CPED1: variants seen among roughly 807,000 people sequenced by gnomAD.
CPED1 encodes cadherin-like and PC-esterase domain-containing protein 1.
Under a neutral mutation model 128.2 loss-of-function variants are expected in CPED1, and 114 were observed. The observed-to-expected ratio is 0.89, with a 90% CI of 0.76 to 1.04. The LOEUF (loss-of-function observed/expected upper bound fraction) is 1.04. Among genes scored for constraint, CPED1 ranks in the 50% least tolerant of loss-of-function variants. CPED1 has a pLI of 0.00. For synonymous variants in CPED1, 462 were observed against 426.7 expected (o/e 1.08, Z -1.02); for missense variants, 1,211 against 1,207.1 (o/e 1.00, Z -0.05).
At chr7:121,278,954 T>C (rs1056512023) in intron 22 of CPED1, among the ~76,000 whole-genome samples, 3 of 152,144 alleles carry the variant, frequency 2.0e-5, no homozygotes, top group Non-Finnish European at 1.5e-5. Flanking sequence ...ACTCATAAAC[T>C]CCTTCATGTT....
chr7:121,076,156 A>G (rs1392219509), intron 5 of CPED1, among the ~76,000 whole-genome samples: 3 of 152,194 alleles, frequency 2.0e-5, no homozygotes, highest in African/African-American at 7.2e-5. Context: ...GAACACTGCC[A>G]ATTATCAGAG....
chr7:121,154,845 A>G (rs1220936263), intron 16 of CPED1, among the ~76,000 whole-genome samples: 4 of 152,158 alleles, frequency 2.6e-5, no homozygotes, highest in Non-Finnish European at 5.9e-5. Context: ...CGCCCGGCCT[A>G]GAGATGTTGA....
At chr7:121,249,572 AAAAT>A (rs1449775489) in intron 18 of CPED1, among the ~76,000 whole-genome samples, 24 of 152,304 alleles carry the variant, frequency 1.6e-4, no homozygotes, top group African/African-American at 5.3e-4. Context: ...ATATCCCACT[AAAAT>A]AAACTTTATA....
At chr7:121,116,742 G>GC (rs1413825507) in intron 7 of CPED1, among the ~76,000 whole-genome samples, 2 of 151,944 alleles carry the variant, frequency 1.3e-5, no homozygotes, top group African/African-American at 4.8e-5. Context: ...CATGTTGGTT[G>GC]CCCCCAGCTG....
In CPED1 at chr7:121,106,343, C is replaced by T. The variant is rs189870399; in HGVS notation, c.918+6249C>T. On this transcript the variant is annotated intron_variant, in intron 7 of 22. Coordinates refer to ENST00000310396, the MANE Select transcript of CPED1 (RefSeq NM_024913.5). ...ATATAATGCTTTATATAGGTATACACATATATGTGTATATATGCCTACATA... is the reference window on the plus strand; with the variant it reads ...ATATAATGCTTTATATAGGTATACATATATATGTGTATATATGCCTACATA... 2.0e-5 allele frequency among the ~76,000 whole-genome samples: 3 copies of T among 151,966 alleles called. No homozygotes were observed. The East Asian group carries it at 5.8e-4, about 29-fold the overall frequency.
chr7:121,251,681 C>T (rs997736245), intron 18 of CPED1, among the ~76,000 whole-genome samples: 3 of 151,722 alleles, frequency 2.0e-5, no homozygotes, highest in African/African-American at 7.3e-5. Context: ...AACAGACAAA[C>T]AGAGCCAAAT....
At chr7:121,289,853 A>G (rs1792656692) in intron 22 of CPED1, among the ~76,000 whole-genome samples, 1 of 152,134 alleles carries the variant, frequency 6.6e-6, no homozygotes, top group South Asian at 2.1e-4. Flanking sequence ...CATATGCAGA[A>G]CATGCAGGTT....
intron 12 of CPED1, among the ~76,000 whole-genome samples, chr7:121,133,389 A>G (rs564508596): frequency 6.6e-6 from 1 of 152,116 alleles, no homozygotes; most frequent in Non-Finnish European, 1.5e-5. Context: ...TTGGCAAGAC[A>G]TAGGTCATTT....
At chr7:121,209,392 T>C (rs1797594740) in intron 16 of CPED1, among the ~76,000 whole-genome samples, 1 of 152,064 alleles carries the variant, frequency 6.6e-6, no homozygotes, top group Non-Finnish European at 1.5e-5. Flanking sequence ...GATGGCTGAA[T>C]TAGCTTCCAT....
chr7:121,104,819 C>T lies in CPED1; in HGVS notation c.918+4725C>T, dbSNP rs1346633227. On this transcript the variant is annotated intron_variant, in intron 7 of 22. Coordinates refer to ENST00000310396, the MANE Select transcript of CPED1 (RefSeq NM_024913.5). The stretch of plus-strand genomic sequence containing the variant: ...AACTGCATGAAGAAATTGCCTGAGT[C>T]TACTTTATCCCTAACTGCTATAAGC... Among the ~76,000 whole-genome samples the T allele has an allele frequency of 3.9e-5, 6 of 152,112 alleles. No individual in the cohort carries two copies. The East Asian group carries it at 1.2e-3, about 29-fold the overall frequency.
chr7:121,226,814 A>G (rs1405676980), intron 16 of CPED1, among the ~76,000 whole-genome samples: 1 of 152,172 alleles, frequency 6.6e-6, no homozygotes, highest in Non-Finnish European at 1.5e-5. Flanking sequence ...TAATGTAAAC[A>G]TAAGCTAATT....
chr7:121,120,660 T>G (rs1217367477), intron 7 of CPED1, among the ~76,000 whole-genome samples: 3 of 152,122 alleles, frequency 2.0e-5, no homozygotes, highest in Admixed American at 6.6e-5. Flanking sequence ...CCATTCTAAC[T>G]CATAGATTAA....
At chr7:121,250,901 G>A (rs1798655817) in intron 18 of CPED1, among the ~76,000 whole-genome samples, 1 of 152,084 alleles carries the variant, frequency 6.6e-6, no homozygotes, top group Non-Finnish European at 1.5e-5. Flanking sequence ...AGGAGGAGCT[G>A]GTACCATTCC....
chr7:121,080,646 G>C (rs1174258627), intron 5 of CPED1, among the ~76,000 whole-genome samples: 1 of 152,086 alleles, frequency 6.6e-6, no homozygotes, highest in Non-Finnish European at 1.5e-5. Context: ...ACCAATAAGT[G>C]AAAGAGAACT....
intron 2 of CPED1, 95 bp downstream of exon 2, chr7:120,989,965 G>T: frequency 1.4e-6 from 2 of 1,447,042 alleles, no homozygotes; most frequent in Non-Finnish European, 1.9e-6. Context: ...CTTCCATGAG[G>T]TCTGAAAGGG....
chr7:121,056,026 ATAAG>A (rs1180031060), intron 4 of CPED1, among the ~76,000 whole-genome samples: 2 of 152,248 alleles, frequency 1.3e-5, no homozygotes, highest in East Asian at 3.8e-4. Flanking sequence ...TGGAACCAAA[ATAAG>A]TATTTTGGAA....
chr7:121,157,420 G>T (rs905907988), intron 16 of CPED1, among the ~76,000 whole-genome samples: 1 of 152,136 alleles, frequency 6.6e-6, no homozygotes, highest in African/African-American at 2.4e-5. Context: ...GGCCAACATT[G>T]TTAATGGGGA....
intron 2 of CPED1, among the ~76,000 whole-genome samples, chr7:121,010,293 C>G (rs987398320): frequency 6.6e-6 from 1 of 151,974 alleles, no homozygotes; most frequent in Admixed American, 6.6e-5. Context: ...GCTCTGTCAC[C>G]ATGGCTGGAG....
intron 5 of CPED1, among the ~76,000 whole-genome samples, chr7:121,065,556 A>G (rs908003483): frequency 3.3e-5 from 5 of 152,140 alleles, no homozygotes; most frequent in African/African-American, 9.7e-5. Context: ...ACATTTCAGA[A>G]TGCTTGATCC....
Sources: gnomAD v4.1 joint callset for allele counts (sites outside exome capture counted in the v4.1 genomes callset) on GRCh38, gnomAD v4.1.1 for gene constraint, MANE v1.5 for transcripts, NCBI Gene and HGNC (gene_info 2026-07-23, HGNC 2026-07-21) for gene names.